The following CDH4 variants were observed in gnomAD, a reference collection of about 807,000 sequenced individuals.
CDH4 encodes the protein cadherin 4, also known as cadherin-4.
Under a neutral mutation model 86.0 loss-of-function variants are expected in CDH4, and 33 were observed. That is an observed-to-expected ratio of 0.38 (90% CI 0.29 to 0.51). CDH4 has a LOEUF of 0.51. Among genes scored for constraint, CDH4 ranks in the 20% least tolerant of loss-of-function variants. The pLI, the probability that CDH4 is intolerant of heterozygous loss-of-function variation, is 0.86. For synonymous variants in CDH4, 555 were observed against 549.4 expected (o/e 1.01, Z -0.14); for missense variants, 1,114 against 1,307.4 (o/e 0.85, Z 2.28).
chr20:61,804,477 C>CG (rs1161692964), intron 4 of CDH4, among the ~76,000 whole-genome samples: 2 of 152,180 alleles, frequency 1.3e-5, no homozygotes, highest in African/African-American at 2.4e-5. Context: ...CAGCCACACC[C>CG]GGGGGGCAGC....
At chr20:61,877,820 G>A (rs1263546489) in intron 7 of CDH4, among the ~76,000 whole-genome samples, 1 of 152,204 alleles carries the variant, frequency 6.6e-6, no homozygotes, top group African/African-American at 2.4e-5. Context: ...ATGGTTCAGG[G>A]GCTCAGGGGA....
At chr20:61,256,189 C>A (rs899531630) in intron 2 of CDH4, among the ~76,000 whole-genome samples, 6 of 152,074 alleles carry the variant, frequency 3.9e-5, no homozygotes, top group African/African-American at 1.4e-4. Flanking sequence ...CCAGAGAAGG[C>A]CTGAGGGGAT....
At chr20:61,881,962 G>C (rs1296775526) in intron 7 of CDH4, among the ~76,000 whole-genome samples, 3 of 152,242 alleles carry the variant, frequency 2.0e-5, no homozygotes, top group Non-Finnish European at 4.4e-5. Context: ...AGGCTGCATG[G>C]AGACCGAGGC....
intron 2 of CDH4, among the ~76,000 whole-genome samples, chr20:61,413,197 A>T (rs1461902508): frequency 4.3e-5 from 2 of 46,890 alleles, no homozygotes; most frequent in South Asian, 8.6e-4. Flanking sequence ...CCCGCCCCCC[A>T]CCCCTGGCCC....
chr20:61,759,358 T>G (rs970354497), intron 3 of CDH4, among the ~76,000 whole-genome samples: 5 of 152,196 alleles, frequency 3.3e-5, no homozygotes, highest in Non-Finnish European at 7.3e-5. Context: ...GGCAGAAAGA[T>G]TCCCAGCAAG....
intron 10 of CDH4, 131 bp from the exon 11 acceptor site, chr20:61,924,203 T>TG (rs2055019122): frequency 5.5e-6 from 5 of 915,134 alleles, no homozygotes; most frequent in South Asian, 1.7e-5. Context: ...GGACAAGGCC[T>TG]GGGGGGCTCC....
intron 2 of CDH4, chr20:61,739,117 AC>A (rs1311538559): frequency 6.6e-6 from 1 of 152,294 alleles, no homozygotes. Context: ...GAGATCAAAA[AC>A]AAATACATAA....
intron 2 of CDH4, among the ~76,000 whole-genome samples, chr20:61,539,976 C>T (rs35952613): frequency 4.0e-4 from 61 of 152,226 alleles, no homozygotes; most frequent in Non-Finnish European, 6.6e-4. Flanking sequence ...AGCTTCCCAC[C>T]GTTCTCCTCC....
intron 2 of CDH4, among the ~76,000 whole-genome samples, chr20:61,263,468 G>C (rs1460518235): frequency 1.3e-5 from 2 of 152,132 alleles, no homozygotes; most frequent in African/African-American, 4.8e-5. Context: ...TGTTTGGGGG[G>C]ACTTACCATG....
At chr20:61,896,117 G>A (rs976118114) in intron 8 of CDH4, among the ~76,000 whole-genome samples, 4 of 152,244 alleles carry the variant, frequency 2.6e-5, no homozygotes, top group African/African-American at 9.6e-5. Flanking sequence ...CACACCAGCT[G>A]CATCTGTGGA....
In CDH4 at chr20:61,451,168, T is replaced by C. The variant is rs537166038; in HGVS notation, c.169+196231T>C. Among the ~76,000 whole-genome samples the C allele has an allele frequency of 5.3e-5, 8 of 151,018 alleles. No individual in the cohort carries two copies. In the East Asian group the frequency reaches 9.8e-4, roughly 18 times the overall value. On this transcript the variant is annotated intron_variant, in intron 2 of 15. Coordinates refer to ENST00000614565, the MANE Select transcript of CDH4 (RefSeq NM_001794.5). ...TCATCCTGCCACCTGTGCATGTTTCTTCAATAGAGTCTTGAGTAACTCTAT... is the reference window on the plus strand; with the variant it reads ...TCATCCTGCCACCTGTGCATGTTTCCTCAATAGAGTCTTGAGTAACTCTAT...
chr20:61,632,669 C>T (rs965746028), intron 2 of CDH4, among the ~76,000 whole-genome samples: 5 of 151,180 alleles, frequency 3.3e-5, no homozygotes, highest in African/African-American at 4.9e-5. Context: ...CCCACACACC[C>T]ACCCTTCCTC....
chr20:61,422,104 A>G (rs1347704919), intron 2 of CDH4, among the ~76,000 whole-genome samples: 1 of 152,178 alleles, frequency 6.6e-6, no homozygotes, highest in African/African-American at 2.4e-5. Context: ...TTTTGAACGT[A>G]TATCTATGCA....
chr20:61,253,031 C>G (rs1435369750), intron 1 of CDH4, among the ~76,000 whole-genome samples: 2 of 151,642 alleles, frequency 1.3e-5, no homozygotes, highest in African/African-American at 2.4e-5. Flanking sequence ...CAGGGATCCG[C>G]GAGTGCGGGG....
At chr20:61,685,098 A>G (rs6061729) in intron 2 of CDH4, among the ~76,000 whole-genome samples, 6,972 of 152,164 alleles carry the variant, frequency 0.046, 302 homozygotes, top group African/African-American at 0.1. Flanking sequence ...TCCCTGCCCC[A>G]TCCCAACAGC....
chr20:61,689,114 C>T lies in CDH4; in HGVS notation c.170-54449C>T, dbSNP rs115210386. On this transcript the variant is annotated intron_variant, in intron 2 of 15. Transcript: ENST00000614565. ...TGACTGACTCACACCAGCCCTATTG[C>T]CACTGGACACTGGTGACAAGTCTAA... Among the ~76,000 whole-genome samples, 584 of 152,372 alleles carry T rather than the reference C, an allele frequency of 3.8e-3. 3 individuals are homozygous for T. Among genetic ancestry groups the T allele is most frequent in the African/African-American group, 0.014 (563 of 41,584 alleles).
intron 2 of CDH4, among the ~76,000 whole-genome samples, chr20:61,443,944 C>CTG (rs1011849665): frequency 0.034 from 4,293 of 126,944 alleles, 227 homozygotes; most frequent in African/African-American, 0.13. Context: ...TTGTGGATAT[C>CTG]TGTGTGTGTG....
chr20:61,745,609 A>G (rs530279452), intron 3 of CDH4, among the ~76,000 whole-genome samples: 2 of 151,710 alleles, frequency 1.3e-5, no homozygotes, highest in South Asian at 2.1e-4. Flanking sequence ...AGGACGGTGT[A>G]TGTCATTTTC....
intron 2 of CDH4, among the ~76,000 whole-genome samples, chr20:61,543,512 C>A (rs1341102318): frequency 6.6e-6 from 1 of 152,196 alleles, no homozygotes; most frequent in Non-Finnish European, 1.5e-5. Flanking sequence ...AATCTCACAA[C>A]CTTAATAGGA....
Sources: allele counts gnomAD v4.1 joint callset (sites outside exome capture counted in the v4.1 genomes callset), GRCh38; gene constraint gnomAD v4.1.1; transcripts MANE v1.5; gene names NCBI Gene and HGNC (gene_info 2026-07-23, HGNC 2026-07-21).